DMD: variants seen among roughly 807,000 people sequenced by gnomAD.
DMD encodes the protein mutant dystrophin.
DMD carries 63 observed loss-of-function variants against 330.1 expected under a neutral mutation model. The ratio of observed to expected loss-of-function variants is 0.19; its 90% CI spans 0.16 to 0.24. DMD has a LOEUF of 0.24. Ranked by LOEUF, DMD falls within the 10% of genes least tolerant of loss-of-function variation. The probability of loss-of-function intolerance (pLI) is 1.00; values close to 1 mark genes in which losing one functional copy is unlikely to be tolerated. For synonymous variants in DMD, 1,223 were observed against 959.8 expected, an observed-to-expected ratio of 1.27 and a Z score of -5.07; for missense variants, 3,344 against 2,684.1, an observed-to-expected ratio of 1.25 and a Z score of -5.43.
intron 7 of DMD, among the ~76,000 whole-genome samples, chrX:32,705,976 C>G (rs1202883212): frequency 9.2e-6 from 1 of 108,587 alleles, no homozygotes; most frequent in Non-Finnish European, 1.9e-5. Context: ...GGAACCAACC[C>G]AAATGTCCAA....
intron 44 of DMD, among the ~76,000 whole-genome samples, chrX:32,198,833 T>C (rs923869331): frequency 1.5e-4 from 17 of 112,199 alleles, no homozygotes; most frequent in African/African-American, 5.2e-4. Context: ...CTGAACAAAA[T>C]TAAACATTTA....
chrX:32,777,282 G>GGGGGGGGGGGGGGTTGGGGGGGA (rs1368782701), intron 7 of DMD, among the ~76,000 whole-genome samples: 1 of 54,132 alleles, frequency 1.8e-5, no homozygotes, highest in African/African-American at 6.4e-5. Flanking sequence ...CTGGTTGGGG[G>GGGGGGGGGGGGGGTTGGGGGGGA]GGGAATCCTA....
At chrX:32,720,989 T>C (rs1021201526) in intron 7 of DMD, among the ~76,000 whole-genome samples, 1 of 111,594 alleles carries the variant, frequency 9.0e-6, no homozygotes, top group African/African-American at 3.3e-5. Context: ...TGTGTCTTGC[T>C]TATTTCACTT....
At chrX:32,966,279 G>C (rs765866444) in intron 2 of DMD, among the ~76,000 whole-genome samples, 3 of 111,771 alleles carry the variant, frequency 2.7e-5, no homozygotes, top group Non-Finnish European at 1.9e-5. Flanking sequence ...AAAGCACAGT[G>C]TCAAGGGGTA....
At chrX:31,204,192 T>C in intron 66 of DMD, 74 bp from the exon 67 acceptor site, 4 of 926,763 alleles carry the variant, frequency 4.3e-6, no homozygotes, top group East Asian at 6.3e-5. Flanking sequence ...GACATCCAAC[T>C]CAATTCCAGT....
intron 60 of DMD, among the ~76,000 whole-genome samples, chrX:31,359,572 T>C (rs1342906444): frequency 8.9e-6 from 1 of 112,433 alleles, no homozygotes; most frequent in Non-Finnish European, 1.9e-5. Context: ...CAAACATTTA[T>C]AGAGCATTTA....
chrX:32,747,171 T>C (rs1032966486), intron 7 of DMD, among the ~76,000 whole-genome samples: 21 of 112,639 alleles, frequency 1.9e-4, no homozygotes, highest in African/African-American at 6.1e-4. Context: ...AATTCTGATG[T>C]GCACTCAAGT....
chrX:33,157,609 C>T (rs2048568126), intron 1 of DMD, among the ~76,000 whole-genome samples: 1 of 112,375 alleles, frequency 8.9e-6, no homozygotes, highest in Non-Finnish European at 1.9e-5. Flanking sequence ...CTACATCCAA[C>T]TTAGCAGACA....
At chrX:32,202,567 G>A (rs747586650) in intron 44 of DMD, among the ~76,000 whole-genome samples, 1 of 111,734 alleles carries the variant, frequency 8.9e-6, no homozygotes, top group East Asian at 2.9e-4. Flanking sequence ...GGCCAGGATG[G>A]TCTCGATTTC....
intron 55 of DMD, among the ~76,000 whole-genome samples, chrX:31,558,798 T>C (rs1199349514): frequency 9.0e-6 from 1 of 110,868 alleles, no homozygotes; most frequent in Non-Finnish European, 1.9e-5. Context: ...TCCCCTACAA[T>C]TGCATCTCCA....
At chrX:31,963,945 C>G (rs967037995) in intron 45 of DMD, among the ~76,000 whole-genome samples, 11 of 108,312 alleles carry the variant, frequency 1.0e-4, no homozygotes, top group South Asian at 3.9e-4. Flanking sequence ...TTATTAATTG[C>G]GAAGAAAAAA....
intron 56 of DMD, among the ~76,000 whole-genome samples, chrX:31,504,897 G>T (rs1048002923): frequency 9.8e-5 from 11 of 112,167 alleles, no homozygotes; most frequent in African/African-American, 3.6e-4. Flanking sequence ...AGAATTGGCA[G>T]CACCTTAGAT....
At chrX:32,140,726 G>A (rs181035884) in intron 44 of DMD, among the ~76,000 whole-genome samples, 3 of 110,436 alleles carry the variant, frequency 2.7e-5, no homozygotes, top group East Asian at 2.9e-4. Context: ...ATGTGGAGAC[G>A]CAAGAGCAGA....
At chrX:32,438,527 A>C in intron 28 of DMD, 137 bp from the exon 29 acceptor site, 1 of 745,306 alleles carries the variant, frequency 1.3e-6, no homozygotes, top group Non-Finnish European at 2.0e-6. Context: ...TTGGGATTAA[A>C]AACACCAAGG....
chrX:31,510,724 T>C lies in DMD; in HGVS notation c.8218-3271A>G, dbSNP rs184746156. 7.3e-5 allele frequency among the ~76,000 whole-genome samples: 8 copies of C among 109,959 alleles called. No homozygotes were observed. The East Asian group carries it at 2.0e-3, about 28-fold the overall frequency. ...CAGGGTTTCACCATGTTAGCCAGGA[T>C]GGTCTCGATCTCCTGACCTCGTGAT... On this transcript the variant is annotated intron_variant, in intron 55 of 78. Transcript: ENST00000357033.
At chrX:31,284,851 CA>C (rs1569517091) in intron 62 of DMD, among the ~76,000 whole-genome samples, 11 of 108,042 alleles carry the variant, frequency 1.0e-4, no homozygotes, top group African/African-American at 3.1e-4. Flanking sequence ...CACACACACA[CA>C]CACACACACA....
chrX:32,480,438 TGTGTGTACATACACAGTATGTGTCTAC>T (rs1277338899), intron 21 of DMD, among the ~76,000 whole-genome samples: 3,582 of 110,490 alleles, frequency 0.032, 243 homozygotes, highest in African/African-American at 0.11. Flanking sequence ...TATGTGTCTA[TGTGTGTACATACACAGTATGTGTCTAC>T]GTGTGTACAT....
At chrX:32,355,391 T>C (rs2097795548) in intron 37 of DMD, among the ~76,000 whole-genome samples, 1 of 111,296 alleles carries the variant, frequency 9.0e-6, no homozygotes, top group African/African-American at 3.3e-5. Flanking sequence ...AAGTCTCTGG[T>C]CCAAAGCAAA....
intron 52 of DMD, among the ~76,000 whole-genome samples, chrX:31,706,859 A>T (rs1403454237): frequency 8.9e-6 from 1 of 112,286 alleles, no homozygotes; most frequent in African/African-American, 3.2e-5. Context: ...GGATTCTTTC[A>T]ATCTGAATAC....
Sources: gnomAD v4.1 joint callset for allele counts (sites outside exome capture counted in the v4.1 genomes callset) on GRCh38, gnomAD v4.1.1 for gene constraint, MANE v1.5 for transcripts, NCBI Gene and HGNC (gene_info 2026-07-23, HGNC 2026-07-21) for gene names.